ABCD2: variants seen among roughly 807,000 people sequenced by gnomAD.
The protein encoded by ABCD2 is ATP binding cassette subfamily D member 2.
A neutral mutation model predicts 70.9 loss-of-function variants in ABCD2; 36 were observed. The observed-to-expected ratio is 0.51, with a 90% CI of 0.39 to 0.67. ABCD2 has a LOEUF of 0.67. Among genes scored for constraint, ABCD2 ranks in the 30% least tolerant of loss-of-function variants. ABCD2 has a pLI of 0.00. For missense variants in ABCD2, 729 were observed against 890.2 expected (o/e 0.82, Z 2.30); for synonymous variants, 304 against 306.9 (o/e 0.99, Z 0.10).
intron 9 of ABCD2, among the ~76,000 whole-genome samples, chr12:39,564,532 A>C (rs951739609): frequency 4.6e-5 from 7 of 152,016 alleles, no homozygotes; most frequent in South Asian, 2.1e-4. Flanking sequence ...GATATTAGCC[A>C]TTTGTCAGAT....
At chr12:39,601,696 G>T (rs11172763) in intron 5 of ABCD2, among the ~76,000 whole-genome samples, 1 of 151,988 alleles carries the variant, frequency 6.6e-6, no homozygotes, top group South Asian at 2.1e-4. Context: ...GCTTTGTATA[G>T]AAAGGATACC....
the ABCD2 span, among the ~76,000 whole-genome samples, chr12:39,543,983 C>T: frequency 6.6e-6 from 1 of 152,136 alleles, no homozygotes; most frequent in Non-Finnish European, 1.5e-5. Flanking sequence ...TGCCCACTGC[C>T]TAGACAGAGC....
rs1941075476 is a variant in ABCD2 at position 39,550,652 on chromosome 12, A to C, written c.*3260T>G. 6.6e-6 allele frequency: 1 copy of C among 151,818 alleles called. No individual in the cohort carries two copies. 9.4% of individuals were successfully genotyped at this position (151,818 alleles called of 1,614,324 possible). A position where few individuals can be genotyped will look rare whatever the true frequency, so the allele number is the denominator to read the frequency against. Reference sequence around the variant, plus strand: ...ACATATTCAACCCCAAAACATATTCAACATATCTAAATGTATATAATCAGA... The same window carrying C: ...ACATATTCAACCCCAAAACATATTCCACATATCTAAATGTATATAATCAGA... On this transcript the variant is annotated 3_prime_UTR_variant, in exon 10 of 10. Transcript: ENST00000308666.
chr12:39,572,514 T>A (rs78674001), intron 9 of ABCD2, among the ~76,000 whole-genome samples: 6,579 of 152,224 alleles, frequency 0.043, 186 homozygotes, highest in African/African-American at 0.08. Context: ...TTCTGAAAAA[T>A]CTGAAGGTTT....
intron 9 of ABCD2, among the ~76,000 whole-genome samples, chr12:39,568,138 C>T (rs1195157134): frequency 6.6e-6 from 1 of 152,034 alleles, no homozygotes; most frequent in Non-Finnish European, 1.5e-5. Context: ...ATCTTTGTGG[C>T]ATTCTCTGTA....
intron 3 of ABCD2, among the ~76,000 whole-genome samples, chr12:39,607,198 C>G (rs1052804689): frequency 6.6e-6 from 1 of 152,102 alleles, no homozygotes; most frequent in South Asian, 2.1e-4. Context: ...CACAACAACC[C>G]CACAAGTCAG....
intron 9 of ABCD2, among the ~76,000 whole-genome samples, chr12:39,573,110 C>T (rs974238104): frequency 6.6e-6 from 1 of 151,974 alleles, no homozygotes; most frequent in African/African-American, 2.4e-5. Context: ...TAAGATGTAC[C>T]TGGAACAGAA....
intron 6 of ABCD2, among the ~76,000 whole-genome samples, chr12:39,597,717 A>C (rs1191642483): frequency 6.6e-6 from 1 of 152,206 alleles, no homozygotes; most frequent in African/African-American, 2.4e-5. Flanking sequence ...AACATCCACC[A>C]TTCCATAGAT....
At chr12:39,566,954 T>C (rs1941359464) in intron 9 of ABCD2, among the ~76,000 whole-genome samples, 1 of 152,254 alleles carries the variant, frequency 6.6e-6, no homozygotes, top group African/African-American at 2.4e-5. Flanking sequence ...AGTGAGTTTC[T>C]TAATCCTGAG....
chr12:39,555,339 C>T (rs113017708), intron 9 of ABCD2, among the ~76,000 whole-genome samples: 73 of 152,216 alleles, frequency 4.8e-4, no homozygotes, highest in African/African-American at 1.4e-3. Flanking sequence ...ATGATTTCAA[C>T]GCACAAAGGG....
rs1054479563 is a variant in ABCD2 at position 39,552,685 on chromosome 12, C to T, written c.*1227G>A. The T allele has an allele frequency of 2.0e-5, 3 of 151,926 alleles. No individual in the cohort carries two copies. Among genetic ancestry groups the T allele is most frequent in the African/African-American group, 7.2e-5 (3 of 41,426 alleles). 9.4% of individuals were successfully genotyped at this position (151,926 alleles called of 1,614,324 possible). ...TCATTTTAAGCCGCAGAACAATGAT[C>T]TTTGCACTTTGTACTTAATTTTCAT... On this transcript the variant is annotated 3_prime_UTR_variant, in exon 10 of 10. Coordinates refer to ENST00000308666, the MANE Select transcript of ABCD2 (RefSeq NM_005164.4).
chr12:39,536,207 T>C, the ABCD2 span, among the ~76,000 whole-genome samples: 4 of 152,370 alleles, frequency 2.6e-5, no homozygotes, highest in East Asian at 5.8e-4. Flanking sequence ...ACAGAGGCCA[T>C]GTGTCCAGAA....
Position 39,619,022 on chromosome 12 carries a change from A to G in ABCD2, c.594T>C (p.Asn198=). The stretch of plus-strand genomic sequence containing the variant: ...CAGGGTTTGCCAGCCTCCCATCCAT[A>G]TTGATCACTTTATAATAAGTCTGAT... ...FTNQTYYKVI[N]MDGRLANPDQ... is the part of the protein sequence containing the mutation. Residue 198 remains asparagine (N), a synonymous_variant, in exon 1 of 10, where the codon AAT becomes AAC. Coordinates refer to ENST00000308666, the MANE Select transcript of ABCD2 (RefSeq NM_005164.4). The G allele has an allele frequency of 2.5e-6, 4 of 1,614,210 alleles. No individual in the cohort carries two copies. Among genetic ancestry groups the G allele is most frequent in the Non-Finnish European group, 3.4e-6 (4 of 1,180,042 alleles).
intron 9 of ABCD2, among the ~76,000 whole-genome samples, chr12:39,560,855 T>A (rs1369573966): frequency 6.6e-6 from 1 of 152,080 alleles, no homozygotes; most frequent in African/African-American, 2.4e-5. Context: ...AACTATAAGA[T>A]GTTTTTGGTA....
intron 9 of ABCD2, among the ~76,000 whole-genome samples, chr12:39,562,715 A>G (rs1203807723): frequency 1.3e-5 from 2 of 152,198 alleles, no homozygotes; most frequent in East Asian, 1.9e-4. Context: ...TGATGGCTTA[A>G]CTACCAAATT....
chr12:39,570,174 C>T (rs1423414596), intron 9 of ABCD2, among the ~76,000 whole-genome samples: 1 of 152,194 alleles, frequency 6.6e-6, no homozygotes, highest in Non-Finnish European at 1.5e-5. Context: ...AAGTGATCTA[C>T]ATATTCAATT....
intron 6 of ABCD2, among the ~76,000 whole-genome samples, chr12:39,589,457 G>T: frequency 6.7e-6 from 1 of 149,596 alleles, no homozygotes; most frequent in Middle Eastern, 3.2e-3. Context: ...CGCCATCTCG[G>T]TGGCTCACTG....
At chr12:39,556,138 C>A (rs1222688470) in intron 9 of ABCD2, among the ~76,000 whole-genome samples, 1 of 152,080 alleles carries the variant, frequency 6.6e-6, no homozygotes, top group Admixed American at 6.5e-5. Flanking sequence ...CAATTCATGA[C>A]CAGAAGGATC....
chr12:39,559,342 A>G (rs1941217310), intron 9 of ABCD2, among the ~76,000 whole-genome samples: 1 of 142,114 alleles, frequency 7.0e-6, no homozygotes, highest in African/African-American at 2.6e-5. Flanking sequence ...ACACCATTGC[A>G]CTCCAGCCTG....
Sources: allele counts gnomAD v4.1 joint callset (sites outside exome capture counted in the v4.1 genomes callset), GRCh38; gene constraint gnomAD v4.1.1; transcripts MANE v1.5; gene names NCBI Gene and HGNC (gene_info 2026-07-23, HGNC 2026-07-21).